TG: variants seen among roughly 807,000 people sequenced by gnomAD.
TG encodes the protein thyroglobulin, also known as thyroid hormones.
In TG, 270 loss-of-function variants were observed where a neutral mutation model predicts 324.7. That is an observed-to-expected ratio of 0.83 (90% CI 0.75 to 0.92). The LOEUF (loss-of-function observed/expected upper bound fraction) is 0.92, where lower values mean the gene tolerates loss of function less well. TG is among the 40% of genes least tolerant of loss of function. The probability of loss-of-function intolerance (pLI) is 0.00; values close to 1 mark genes in which losing one functional copy is unlikely to be tolerated. For missense variants in TG, 3,591 were observed against 3,456.4 expected (o/e 1.04, Z -0.98); for synonymous variants, 1,401 against 1,327.0 (o/e 1.06, Z -1.21).
At chr8:133,133,736 G>A in intron 47 of TG, 76 bp downstream of exon 47, 1 of 1,501,876 alleles carries the variant, frequency 6.7e-7, no homozygotes. Flanking sequence ...CATGAGACCT[G>A]TGCTGCGCGC....
chr8:133,007,908 C>T (rs1314285674), intron 35 of TG, among the ~76,000 whole-genome samples: 1 of 151,776 alleles, frequency 6.6e-6, no homozygotes. Flanking sequence ...GACCCATACC[C>T]CACTAAAAGG....
At chr8:133,059,043 G>A (rs767693100) in intron 41 of TG, 2 of 457,088 alleles carry the variant, frequency 4.4e-6, no homozygotes, top group South Asian at 3.1e-5. Context: ...AGCCACAGAA[G>A]TCATGAAATG....
chr8:133,104,747 G>C (rs945320988), intron 43 of TG, among the ~76,000 whole-genome samples: 16 of 152,320 alleles, frequency 1.1e-4, no homozygotes, highest in East Asian at 3.9e-4. Flanking sequence ...GGAAGGAAAG[G>C]CTGATTGGAA....
chr8:132,934,777 G>A (rs1823319606), intron 24 of TG, among the ~76,000 whole-genome samples: 1 of 152,166 alleles, frequency 6.6e-6, no homozygotes, highest in Non-Finnish European at 1.5e-5. Context: ...AAAATACTGG[G>A]AACAAAACAC....
At chr8:133,053,398 A>C (rs924267353) in intron 41 of TG, among the ~76,000 whole-genome samples, 3 of 152,224 alleles carry the variant, frequency 2.0e-5, no homozygotes, top group African/African-American at 7.2e-5. Context: ...AAGCAGGCTT[A>C]CTGAATGTGC....
At chr8:132,871,838 T>G (rs1339679797) in intron 4 of TG, among the ~76,000 whole-genome samples, 1 of 152,186 alleles carries the variant, frequency 6.6e-6, no homozygotes, top group East Asian at 1.9e-4. Flanking sequence ...CTGTCACGTG[T>G]ATAGTATAAG....
intron 10 of TG, among the ~76,000 whole-genome samples, chr8:132,890,702 A>G (rs537559566): frequency 6.6e-6 from 1 of 152,346 alleles, no homozygotes; most frequent in East Asian, 1.9e-4. Flanking sequence ...TGTCGGAAGA[A>G]TTACTAAAAG....
intron 20 of TG, among the ~76,000 whole-genome samples, chr8:132,914,221 T>G (rs972746851): frequency 6.6e-6 from 1 of 152,196 alleles, no homozygotes; most frequent in Non-Finnish European, 1.5e-5. Context: ...AGGACTGGGA[T>G]ATGGATATCT....
rs553521119 is a variant in TG, at chr8:132,946,151, A to G, written c.5234-2625A>G. Among the ~76,000 whole-genome samples, 6 of 152,120 alleles carry G rather than the reference A, an allele frequency of 3.9e-5. No homozygotes were observed. The South Asian group carries it at 1.2e-3, about 32-fold the overall frequency. On this transcript the variant is annotated intron_variant, in intron 26 of 47. Coordinates refer to ENST00000220616, the MANE Select transcript of TG (RefSeq NM_003235.5). The stretch of plus-strand genomic sequence containing the variant: ...CAGGATTCCTCTTTGAACTAAATGT[A>G]TTTTCTGAAGATACCACAATTTCCC...
At chr8:133,015,955 C>T (rs1675861397) in intron 37 of TG, among the ~76,000 whole-genome samples, 1 of 152,062 alleles carries the variant, frequency 6.6e-6, no homozygotes, top group African/African-American at 2.4e-5. Flanking sequence ...CCCTGTGTCC[C>T]CCCACCCCTG....
At chr8:133,060,811 T>A (rs1253459264) in intron 41 of TG, among the ~76,000 whole-genome samples, 2 of 152,194 alleles carry the variant, frequency 1.3e-5, no homozygotes, top group African/African-American at 4.8e-5. Flanking sequence ...CTTAAGCCCA[T>A]TGTGCAGTGA....
chr8:133,064,097 G>GT (rs1335685924), intron 41 of TG: 2 of 152,280 alleles, frequency 1.3e-5, no homozygotes, highest in Non-Finnish European at 2.9e-5. Flanking sequence ...TCATAGAATC[G>GT]TAACTGCTAT....
At chr8:132,950,372 T>C (rs1054599580) in intron 27 of TG, among the ~76,000 whole-genome samples, 6 of 152,200 alleles carry the variant, frequency 3.9e-5, no homozygotes, top group African/African-American at 1.4e-4. Context: ...GTGGGAACCC[T>C]TGGGTGCTTA....
In TG at chr8:133,042,678, C is replaced by CCTTTTTTTTT. The variant is rs1554706932; in HGVS notation, c.7239+12655_7239+12656insCTTTTTTTTT. Among the ~76,000 whole-genome samples the CCTTTTTTTTT allele has an allele frequency of 8.0e-3, 452 of 56,780 alleles. 64 individuals are homozygous for CCTTTTTTTTT. The highest frequency in any genetic ancestry group is 0.03 in the East Asian group (69 of 2,282). The allele number at this position is 56,780 out of a possible 152,430, so 37.2% of individuals were successfully genotyped here. ...GTGCACAATTCCTCTCATTCTGTGT[C>CCTTTTTTTTT]TTTTTTTTTTTTTTTTTTTTTTTTT... On this transcript the variant is annotated intron_variant, in intron 41 of 47. Coordinates refer to ENST00000220616, the MANE Select transcript of TG (RefSeq NM_003235.5).
rs1831105184 is a variant in TG, at chr8:132,983,201, G to C, written c.6200-149G>C. 3.6e-6 allele frequency: 3 copies of C among 824,378 alleles called. No individual in the cohort carries two copies. The Admixed American group carries it at 5.4e-5, about 15-fold the overall frequency. The allele number at this position is 824,378 out of a possible 1,614,324, so 51.1% of individuals were successfully genotyped here. A position where few individuals can be genotyped will look rare whatever the true frequency, so the allele number is the denominator to read the frequency against. On this transcript the variant is annotated intron_variant, in intron 34 of 47. Coordinates refer to ENST00000220616, the MANE Select transcript of TG (RefSeq NM_003235.5). Reference sequence around the variant, plus strand: ...TTGTTTGTTAGCTCAGCATCATCCAGCCCACCCTGACCGATACAGGTTGGG... The same window carrying C: ...TTGTTTGTTAGCTCAGCATCATCCACCCCACCCTGACCGATACAGGTTGGG...
intron 2 of TG, among the ~76,000 whole-genome samples, chr8:132,869,149 G>C (rs928153319): frequency 6.6e-6 from 1 of 152,184 alleles, no homozygotes; most frequent in Non-Finnish European, 1.5e-5. Flanking sequence ...GCCTCTTGCA[G>C]TTTCAAACCT....
intron 16 of TG, among the ~76,000 whole-genome samples, chr8:132,902,056 AT>A: frequency 6.6e-6 from 1 of 152,270 alleles, no homozygotes; most frequent in African/African-American, 2.4e-5. Context: ...ATTATTATTG[AT>A]TTTTAACCTT....
At chr8:132,992,862 C>G (rs763893663) in intron 35 of TG, among the ~76,000 whole-genome samples, 2 of 152,236 alleles carry the variant, frequency 1.3e-5, no homozygotes, top group East Asian at 3.8e-4. Flanking sequence ...TGGGAACCAT[C>G]GCTATGAATT....
At chr8:133,002,958 TACCATATCACC>T in intron 35 of TG, 1 of 1,015,512 alleles carries the variant, frequency 9.8e-7, no homozygotes. Context: ...CCTTGATGCC[TACCATATCACC>T]TTTCTTACAG....
Sources: gnomAD v4.1 joint callset for allele counts (sites outside exome capture counted in the v4.1 genomes callset) on GRCh38, gnomAD v4.1.1 for gene constraint, MANE v1.5 for transcripts, NCBI Gene and HGNC (gene_info 2026-07-23, HGNC 2026-07-21) for gene names.